The following UBR3 variants were observed in gnomAD, a reference collection of about 807,000 sequenced individuals.
UBR3 encodes the protein ubiquitin protein ligase E3 component n-recognin 3, also known as E3 ubiquitin-protein ligase UBR3.
UBR3 carries 85 observed loss-of-function variants against 243.2 expected under a neutral mutation model. The observed-to-expected ratio is 0.35, with a 90% confidence interval of 0.29 to 0.42. The LOEUF (loss-of-function observed/expected upper bound fraction) is 0.42, where lower values mean the gene tolerates loss of function less well. UBR3 is among the 10% of genes least tolerant of loss of function. The pLI, the probability that UBR3 is intolerant of heterozygous loss-of-function variation, is 1.00. For missense variants in UBR3, 1,686 were observed against 2,300.8 expected (o/e 0.73, Z 5.47); for synonymous variants, 748 against 799.8 (o/e 0.94, Z 1.09).
At chr2:169,975,741 A>G (rs2088404615) in intron 24 of UBR3, among the ~76,000 whole-genome samples, 1 of 152,082 alleles carries the variant, frequency 6.6e-6, no homozygotes, top group Non-Finnish European at 1.5e-5. Context: ...TGAGGCTAGG[A>G]GTTCAAGACT....
At chr2:169,849,160 G>A (rs903700795) in intron 1 of UBR3, among the ~76,000 whole-genome samples, 2 of 152,200 alleles carry the variant, frequency 1.3e-5, no homozygotes, top group African/African-American at 2.4e-5. Context: ...AAGCTTTGGC[G>A]CAGCGTGGGG....
intron 24 of UBR3, among the ~76,000 whole-genome samples, chr2:169,960,160 G>A (rs1416635265): frequency 6.7e-6 from 1 of 148,498 alleles, no homozygotes; most frequent in African/African-American, 2.5e-5. Flanking sequence ...GCTGAGGCAG[G>A]AGAATTGCTT....
At chr2:169,856,260 A>G (rs1559025582) in intron 1 of UBR3, among the ~76,000 whole-genome samples, 1 of 146,676 alleles carries the variant, frequency 6.8e-6, no homozygotes. Context: ...GGCTCTTCCC[A>G]TATCCCAGAC....
At chr2:170,063,346 T>C (rs1317726902) in intron 35 of UBR3, among the ~76,000 whole-genome samples, 4 of 152,268 alleles carry the variant, frequency 2.6e-5, no homozygotes, top group East Asian at 3.9e-4. Context: ...TATATTCAGA[T>C]TGAGGGATAG....
At chr2:169,865,028 G>A (rs1273120241) in intron 1 of UBR3, among the ~76,000 whole-genome samples, 1 of 152,068 alleles carries the variant, frequency 6.6e-6, no homozygotes, top group African/African-American at 2.4e-5. Flanking sequence ...GGAGGCTGTG[G>A]TGAGCCGAGA....
chr2:169,861,467 G>T (rs534095587), intron 1 of UBR3, among the ~76,000 whole-genome samples: 1 of 152,150 alleles, frequency 6.6e-6, no homozygotes, highest in East Asian at 1.9e-4. Flanking sequence ...AATTAGCTGG[G>T]TGTAGTGGCG....
chr2:170,050,585 GT>G lies in UBR3; in HGVS notation c.4661-4867del, dbSNP rs550613120. ...TTGTTCGTCCTCAGGTATTTTGATA[GT>G]TTTTTTTGTTGTTATTGTAGTTTTT... On this transcript the variant is annotated intron_variant, in intron 32 of 38. Transcript: ENST00000272793. 1.3e-4 allele frequency among the ~76,000 whole-genome samples: 20 copies of G among 152,030 alleles called. No homozygotes were observed. In the South Asian group the frequency reaches 2.3e-3, roughly 17 times the overall value.
chr2:169,886,611 A>G (rs2084112388), intron 5 of UBR3, among the ~76,000 whole-genome samples: 1 of 152,272 alleles, frequency 6.6e-6, no homozygotes, highest in South Asian at 2.1e-4. Context: ...TTTAAAATCT[A>G]TGTCCTCATT....
At chr2:169,958,854 T>G (rs989904123) in intron 24 of UBR3, among the ~76,000 whole-genome samples, 17 of 152,230 alleles carry the variant, frequency 1.1e-4, no homozygotes, top group Non-Finnish European at 1.8e-4. Flanking sequence ...TGAAATTATC[T>G]TAAAATCCTT....
chr2:169,872,534 A>G (rs1324794152), intron 2 of UBR3, among the ~76,000 whole-genome samples, 159 bp downstream of exon 2: 1 of 152,180 alleles, frequency 6.6e-6, no homozygotes, highest in African/African-American at 2.4e-5. Context: ...CACACTAAAA[A>G]TTAATTATAT....
intron 24 of UBR3, among the ~76,000 whole-genome samples, chr2:169,981,756 CTG>C (rs988751416): frequency 6.6e-5 from 10 of 151,800 alleles, no homozygotes; most frequent in African/African-American, 1.7e-4. Flanking sequence ...TAAGATGAAA[CTG>C]TGGGGGGGAG....
At chr2:169,885,837 A>G (rs1334573773) in intron 5 of UBR3, among the ~76,000 whole-genome samples, 2 of 152,122 alleles carry the variant, frequency 1.3e-5, no homozygotes, top group Non-Finnish European at 1.5e-5. Flanking sequence ...GAAATAAAAA[A>G]TCAGAGATAC....
intron 24 of UBR3, among the ~76,000 whole-genome samples, chr2:169,977,531 C>T (rs970540973): frequency 6.6e-6 from 1 of 152,106 alleles, no homozygotes; most frequent in African/African-American, 2.4e-5. Context: ...GGTCCCAAAG[C>T]CCAAAGGCCA....
At chr2:169,943,485 C>T (rs1222420634) in intron 20 of UBR3, among the ~76,000 whole-genome samples, 1 of 152,014 alleles carries the variant, frequency 6.6e-6, no homozygotes, top group Non-Finnish European at 1.5e-5. Context: ...CCTGTAATCC[C>T]AGCTTCTCAG....
chr2:169,854,064 A>C (rs945590436), intron 1 of UBR3, among the ~76,000 whole-genome samples: 4 of 151,952 alleles, frequency 2.6e-5, no homozygotes, highest in Non-Finnish European at 4.4e-5. Context: ...CAAATACCTA[A>C]TGCATGCGGG....
intron 24 of UBR3, among the ~76,000 whole-genome samples, chr2:169,969,817 G>A (rs952372751): frequency 1.5e-5 from 2 of 132,836 alleles, no homozygotes; most frequent in Admixed American, 7.1e-5. Context: ...CCAAAGTGCT[G>A]GGATTACAGG....
chr2:169,894,097 A>C lies in UBR3; in HGVS notation c.1106-1084A>C, dbSNP rs114951904. 7.8e-3 allele frequency among the ~76,000 whole-genome samples: 1,185 copies of C among 152,138 alleles called. 13 individuals are homozygous for C. Among genetic ancestry groups the C allele is most frequent in the African/African-American group, 0.026 (1,071 of 41,502 alleles). On this transcript the variant is annotated intron_variant, in intron 6 of 38. Coordinates refer to ENST00000272793, the MANE Select transcript of UBR3 (RefSeq NM_172070.4). The stretch of plus-strand genomic sequence containing the variant: ...AAAATTCTGAGTTTTGAAAATAATT[A>C]CTTAATTGCTAATAATAAAGAAATG...
At chr2:169,969,333 A>C (rs778525745) in intron 24 of UBR3, among the ~76,000 whole-genome samples, 2 of 152,172 alleles carry the variant, frequency 1.3e-5, no homozygotes, top group African/African-American at 2.4e-5. Flanking sequence ...GGTATTAGAA[A>C]GTCTTTAATC....
At position 170,001,340 on chromosome 2, in the gene UBR3, G is replaced by A; in HGVS notation, c.3955G>A (p.Gly1319Arg). 1 of 1,613,600 alleles carries A rather than the reference G, an allele frequency of 6.2e-7. No homozygotes were observed. Among genetic ancestry groups the A allele is most frequent in the Non-Finnish European group, 8.5e-7 (1 of 1,179,688 alleles). Reference sequence around the variant, plus strand: ...CTTGGCAGTATCAATTGGCTGGGAAGGAGGTGTTTATGTACAAACCTGTGG... The same window carrying A: ...CTTGGCAGTATCAATTGGCTGGGAAAGAGGTGTTTATGTACAAACCTGTGG... Reference protein sequence around the residue: ...CLLAVSIGWEGGVYVQTCGHT... With the variant: ...CLLAVSIGWERGVYVQTCGHT... The change falls in exon 27 of 39, where the codon GGA becomes AGA. Residue 1319 changes from glycine to arginine, a missense_variant. Physicochemically the swap from Gly to Arg is moderately radical, Grantham distance 125 (BLOSUM62 -2). Coordinates refer to ENST00000272793, the MANE Select transcript of UBR3 (RefSeq NM_172070.4).
Sources: allele counts gnomAD v4.1 joint callset (sites outside exome capture counted in the v4.1 genomes callset), GRCh38; gene constraint gnomAD v4.1.1; transcripts MANE v1.5; gene names NCBI Gene and HGNC (gene_info 2026-07-23, HGNC 2026-07-21).